Variants in SDK1 observed in about 807,000 individuals in gnomAD.
SDK1 encodes protein sidekick-1.
Under a neutral mutation model 245.5 loss-of-function variants are expected in SDK1, and 157 were observed. The observed-to-expected ratio is 0.64, with a 90% CI of 0.56 to 0.73. SDK1 has a LOEUF of 0.73. Ranked by LOEUF, SDK1 falls within the 30% of genes least tolerant of loss-of-function variation. The pLI is 0.00. For missense variants in SDK1, 3,583 were observed against 3,002.3 expected, an observed-to-expected ratio of 1.19 and a Z score of -4.52; for synonymous variants, 1,647 against 1,278.5, an observed-to-expected ratio of 1.29 and a Z score of -6.15.
intron 1 of SDK1, among the ~76,000 whole-genome samples, chr7:3,531,795 G>A (rs1171601042): frequency 3.3e-5 from 5 of 152,168 alleles, no homozygotes; most frequent in African/African-American, 1.2e-4. Context: ...ACAATGTAAA[G>A]TGTTACAGAG....
chr7:3,765,471 T>A (rs1038218444), intron 4 of SDK1, among the ~76,000 whole-genome samples: 5 of 152,230 alleles, frequency 3.3e-5, no homozygotes, highest in African/African-American at 1.2e-4. Context: ...AACGTTATGC[T>A]TGTAAGATTC....
At chr7:3,744,566 C>T (rs556521420) in intron 4 of SDK1, among the ~76,000 whole-genome samples, 10 of 152,242 alleles carry the variant, frequency 6.6e-5, no homozygotes, top group Admixed American at 2.6e-4. Context: ...AATCCCAGCA[C>T]TTTGGGAGGC....
At chr7:3,467,322 A>G (rs1781038891) in intron 1 of SDK1, among the ~76,000 whole-genome samples, 1 of 152,104 alleles carries the variant, frequency 6.6e-6, no homozygotes, top group African/African-American at 2.4e-5. Context: ...AAAAAAAAGG[A>G]AACTACTTTT....
chr7:3,361,210 T>C (rs949693613), intron 1 of SDK1, among the ~76,000 whole-genome samples: 3 of 152,198 alleles, frequency 2.0e-5, no homozygotes, highest in African/African-American at 7.2e-5. Flanking sequence ...CTTCGGGAGA[T>C]TGAAACGGGA....
At chr7:3,331,166 A>C (rs1780059713) in intron 1 of SDK1, among the ~76,000 whole-genome samples, 1 of 152,164 alleles carries the variant, frequency 6.6e-6, no homozygotes. Context: ...TGGGAGGCTG[A>C]GGCAGGAGAA....
chr7:3,713,269 C>A (rs1355704427), intron 4 of SDK1, among the ~76,000 whole-genome samples: 1 of 152,180 alleles, frequency 6.6e-6, no homozygotes, highest in Non-Finnish European at 1.5e-5. Context: ...CCTTCCAAGT[C>A]GTCTGGGAGC....
At position 3,550,894 on chromosome 7, in the gene SDK1, T is replaced by C. The variant is rs548230922; in HGVS notation, c.299-68186T>C. Among the ~76,000 whole-genome samples the C allele has an allele frequency of 7.2e-5, 11 of 152,332 alleles. No homozygotes were observed. The East Asian group carries it at 2.1e-3, about 29-fold the overall frequency. On this transcript the variant is annotated intron_variant, in intron 1 of 44. Coordinates refer to ENST00000404826, the MANE Select transcript of SDK1 (RefSeq NM_152744.4). ...TTTTTAGCAATACTGCTGTGGAGCC[T>C]AGTTGAAATTAGTGTATTACTTTAG... is the stretch of plus-strand genomic sequence containing the variant.
chr7:4,201,829 A>G (rs551102340), intron 35 of SDK1, among the ~76,000 whole-genome samples: 1 of 152,028 alleles, frequency 6.6e-6, no homozygotes, highest in East Asian at 1.9e-4. Flanking sequence ...GACACCCAGC[A>G]TGGCATGGGG....
chr7:3,538,759 G>A lies in SDK1; in HGVS notation c.299-80321G>A, dbSNP rs545753245. 2.7e-3 allele frequency among the ~76,000 whole-genome samples: 418 copies of A among 152,344 alleles called. 3 individuals carry two copies. The highest frequency in any genetic ancestry group is 9.8e-3 in the African/African-American group (407 of 41,578). The stretch of plus-strand genomic sequence containing the variant: ...AACCCCAGAACTTCATGAACCTGGA[G>A]TGGGGGCAGAAAGGCCCATTCAGGC... On this transcript the variant is annotated intron_variant, in intron 1 of 44. Coordinates refer to ENST00000404826, the MANE Select transcript of SDK1 (RefSeq NM_152744.4).
chr7:4,249,722 T>C (rs1212839881), intron 44 of SDK1, among the ~76,000 whole-genome samples: 1 of 152,224 alleles, frequency 6.6e-6, no homozygotes, highest in African/African-American at 2.4e-5. Context: ...TGCTGCATCC[T>C]GCTTTTGAAG....
intron 1 of SDK1, among the ~76,000 whole-genome samples, chr7:3,308,299 G>C (rs1268255412): frequency 6.6e-6 from 1 of 152,146 alleles, no homozygotes; most frequent in African/African-American, 2.4e-5. Flanking sequence ...GGCGATGGAT[G>C]AGAATGTTTA....
Position 4,267,701 on chromosome 7 carries a change from T to G in SDK1, c.*2317T>G. 1.0e-6 allele frequency: 1 copy of G among 985,518 alleles called. No homozygotes were observed. Among genetic ancestry groups the G allele is most frequent in the Non-Finnish European group, 1.2e-6 (1 of 829,958 alleles). The allele number at this position is 985,518 out of a possible 1,614,324, so 61.0% of individuals were successfully genotyped here. On this transcript the variant is annotated 3_prime_UTR_variant, in exon 45 of 45. Coordinates refer to ENST00000404826, the MANE Select transcript of SDK1 (RefSeq NM_152744.4). ...AGGATGAGCAGATTCGAGATATGTT[T>G]GTTGCTCTCGGGTTTTCGATACAAC...
At chr7:3,426,566 C>T (rs186630864) in intron 1 of SDK1, among the ~76,000 whole-genome samples, 310 of 152,320 alleles carry the variant, frequency 2.0e-3, no homozygotes, top group African/African-American at 7.2e-3. Context: ...GTACCTAGCA[C>T]GTTGCATCCA....
intron 1 of SDK1, among the ~76,000 whole-genome samples, chr7:3,318,081 C>T (rs1043498012): frequency 6.6e-6 from 1 of 152,146 alleles, no homozygotes; most frequent in African/African-American, 2.4e-5. Context: ...CTATATATGT[C>T]TTTCCTTGCA....
intron 1 of SDK1, among the ~76,000 whole-genome samples, chr7:3,527,487 T>C (rs958448183): frequency 2.0e-5 from 3 of 152,308 alleles, no homozygotes; most frequent in Admixed American, 2.0e-4. Context: ...CAAGAGGCCC[T>C]GAGGCTGGAG....
intron 1 of SDK1, among the ~76,000 whole-genome samples, chr7:3,443,192 C>T (rs754339181): frequency 1.3e-5 from 2 of 151,120 alleles, no homozygotes; most frequent in East Asian, 3.9e-4. Context: ...TAAGCATTAA[C>T]AAAAAAACTT....
chr7:3,483,010 C>T (rs1781565887), intron 1 of SDK1, among the ~76,000 whole-genome samples: 1 of 151,372 alleles, frequency 6.6e-6, no homozygotes, highest in South Asian at 2.1e-4. Context: ...AAAATCACAC[C>T]AGTTTAATTA....
chr7:3,954,415 CCA>C (rs1401154007), intron 7 of SDK1, among the ~76,000 whole-genome samples: 4 of 26,064 alleles, frequency 1.5e-4, no homozygotes, highest in Non-Finnish European at 3.2e-4. Flanking sequence ...TCTACACCCT[CCA>C]CCCTCCCCTC....
intron 19 of SDK1, among the ~76,000 whole-genome samples, chr7:4,066,398 T>G (rs1263323225): frequency 6.6e-6 from 1 of 152,176 alleles, no homozygotes; most frequent in African/African-American, 2.4e-5. Flanking sequence ...GTGCCTGACT[T>G]AGGGAATGGG....
Sources: allele counts gnomAD v4.1 joint callset (sites outside exome capture counted in the v4.1 genomes callset), GRCh38; gene constraint gnomAD v4.1.1; transcripts MANE v1.5; gene names NCBI Gene and HGNC (gene_info 2026-07-23, HGNC 2026-07-21).